The following UGT8 variants were observed in gnomAD, a reference collection of about 807,000 sequenced individuals.
The protein encoded by UGT8 is 2-hydroxyacylsphingosine 1-beta-galactosyltransferase.
In UGT8, 12 loss-of-function variants were observed where a neutral mutation model predicts 40.5. The ratio of observed to expected loss-of-function variants is 0.30; its 90% CI spans 0.19 to 0.48. The LOEUF is 0.48. UGT8 is among the 20% of genes least tolerant of loss of function. The pLI, the probability that UGT8 is intolerant of heterozygous loss-of-function variation, is 0.99. For missense variants in UGT8, 513 were observed against 648.7 expected, an observed-to-expected ratio of 0.79 and a Z score of 2.27; for synonymous variants, 224 against 240.4, an observed-to-expected ratio of 0.93 and a Z score of 0.63.
At chr4:114,636,854 C>T (rs1413679026) in intron 2 of UGT8, among the ~76,000 whole-genome samples, 1 of 152,212 alleles carries the variant, frequency 6.6e-6, no homozygotes, top group Non-Finnish European at 1.5e-5. Context: ...CCTTCTCTCT[C>T]TCTGTGTTTT....
At chr4:114,630,912 C>A (rs1732530876) in intron 2 of UGT8, among the ~76,000 whole-genome samples, 1 of 152,122 alleles carries the variant, frequency 6.6e-6, no homozygotes, top group Non-Finnish European at 1.5e-5. Context: ...CCTATCCATT[C>A]TCCTGACTCT....
intron 2 of UGT8, among the ~76,000 whole-genome samples, chr4:114,660,392 T>G (rs1163638162): frequency 6.6e-6 from 1 of 152,140 alleles, no homozygotes; most frequent in Non-Finnish European, 1.5e-5. Flanking sequence ...CTCTGATTAT[T>G]CATGTGAAAC....
intron 2 of UGT8, among the ~76,000 whole-genome samples, chr4:114,635,051 T>C (rs1305945160): frequency 2.0e-5 from 3 of 151,254 alleles, no homozygotes; most frequent in Admixed American, 2.0e-4. Context: ...TAGTAAACCA[T>C]GAACAATAAT....
chr4:114,666,972 C>T (rs746021571), intron 4 of UGT8, among the ~76,000 whole-genome samples: 2 of 152,112 alleles, frequency 1.3e-5, no homozygotes, highest in African/African-American at 2.4e-5. Flanking sequence ...CCCTCGTAGC[C>T]GCCCCTCCTC....
chr4:114,641,005 G>T (rs1560690054), intron 2 of UGT8, among the ~76,000 whole-genome samples: 1 of 152,148 alleles, frequency 6.6e-6, no homozygotes, highest in Non-Finnish European at 1.5e-5. Flanking sequence ...TTTAGTCATT[G>T]TTATCGGTCA....
intron 2 of UGT8, among the ~76,000 whole-genome samples, chr4:114,653,921 A>G (rs1348204039): frequency 6.6e-6 from 1 of 152,068 alleles, no homozygotes. Context: ...CCTGGCACAT[A>G]GAAGGTGACC....
At chr4:114,629,378 G>A (rs1228972727) in intron 2 of UGT8, among the ~76,000 whole-genome samples, 1 of 152,112 alleles carries the variant, frequency 6.6e-6, no homozygotes, top group Non-Finnish European at 1.5e-5. Context: ...TAGAATGTGA[G>A]TACCTCAAAA....
chr4:114,607,268 A>G (rs1730791857), intron 1 of UGT8, among the ~76,000 whole-genome samples: 1 of 152,170 alleles, frequency 6.6e-6, no homozygotes, highest in Non-Finnish European at 1.5e-5. Context: ...TCTTGCCTAG[A>G]ACAAGTTTTG....
intron 1 of UGT8, among the ~76,000 whole-genome samples, chr4:114,605,155 C>T (rs1730664423): frequency 6.6e-6 from 1 of 152,024 alleles, no homozygotes; most frequent in Admixed American, 6.6e-5. Context: ...GAGTGCATAG[C>T]CAAAATAAAA....
chr4:114,633,152 T>G (rs1489666356), intron 2 of UGT8, among the ~76,000 whole-genome samples: 1 of 152,184 alleles, frequency 6.6e-6, no homozygotes, highest in Non-Finnish European at 1.5e-5. Context: ...TAGTTATACA[T>G]TGAGTGCAGA....
At position 114,644,723 on chromosome 4, in the gene UGT8, T is replaced by C. The variant is rs77768364; in HGVS notation, c.823-19272T>C. ...AATGTTCTATCCCTTGCTTTATGCC[T>C]ATTAAAATCACACCTATCCTTCCTC... On this transcript the variant is annotated intron_variant, in intron 2 of 5. Coordinates refer to ENST00000310836, the MANE Select transcript of UGT8 (RefSeq NM_001128174.3). 4.9e-3 allele frequency among the ~76,000 whole-genome samples: 741 copies of C among 152,278 alleles called. 8 individuals carry two copies. The highest frequency in any genetic ancestry group is 0.017 in the African/African-American group (711 of 41,558).
chr4:114,632,028 T>C (rs1364028832), intron 2 of UGT8, among the ~76,000 whole-genome samples: 1 of 152,182 alleles, frequency 6.6e-6, no homozygotes, highest in Non-Finnish European at 1.5e-5. Flanking sequence ...GCCATGTCAG[T>C]AATAGGTAAG....
chr4:114,608,524 T>C (rs1037838035), intron 1 of UGT8, among the ~76,000 whole-genome samples: 1 of 152,188 alleles, frequency 6.6e-6, no homozygotes, highest in African/African-American at 2.4e-5. Context: ...AACATTCCCC[T>C]ATTTTTTTTT....
At chr4:114,650,143 T>A (rs1278960707) in intron 2 of UGT8, among the ~76,000 whole-genome samples, 1 of 152,204 alleles carries the variant, frequency 6.6e-6, no homozygotes, top group African/African-American at 2.4e-5. Flanking sequence ...CTAAATCTTT[T>A]GGGGTGACTC....
chr4:114,670,288 G>T (rs541075494), intron 5 of UGT8, among the ~76,000 whole-genome samples: 99 of 151,750 alleles, frequency 6.5e-4, no homozygotes, highest in Non-Finnish European at 3.5e-4. Flanking sequence ...AAAATTAGCC[G>T]GGCATGGTGA....
chr4:114,636,154 A>G (rs917425194), intron 2 of UGT8, among the ~76,000 whole-genome samples: 2 of 152,242 alleles, frequency 1.3e-5, no homozygotes, highest in African/African-American at 2.4e-5. Context: ...TCTAGTCCAC[A>G]TAACTTTTTA....
At chr4:114,659,360 A>T (rs982840171) in intron 2 of UGT8, among the ~76,000 whole-genome samples, 1 of 152,230 alleles carries the variant, frequency 6.6e-6, no homozygotes, top group African/African-American at 2.4e-5. Context: ...AAATTACTTT[A>T]TAGATATCTG....
At chr4:114,654,284 A>T (rs1261692894) in intron 2 of UGT8, among the ~76,000 whole-genome samples, 1 of 151,570 alleles carries the variant, frequency 6.6e-6, no homozygotes, top group African/African-American at 2.4e-5. Flanking sequence ...CCTGATCTTT[A>T]TGAGAAAAAA....
At chr4:114,612,341 A>T (rs1407565954) in intron 1 of UGT8, among the ~76,000 whole-genome samples, 2 of 152,252 alleles carry the variant, frequency 1.3e-5, no homozygotes, top group East Asian at 1.9e-4. Flanking sequence ...GGTTTAAAAA[A>T]GCCAAAAACC....
Sources: allele counts gnomAD v4.1 joint callset (sites outside exome capture counted in the v4.1 genomes callset), GRCh38; gene constraint gnomAD v4.1.1; transcripts MANE v1.5; gene names NCBI Gene and HGNC (gene_info 2026-07-23, HGNC 2026-07-21).